Variants in NCOR1 observed in about 807,000 individuals in gnomAD.
NCOR1 encodes protein phosphatase 1, regulatory subunit 109.
NCOR1 carries 63 observed loss-of-function variants against 288.1 expected under a neutral mutation model. The ratio of observed to expected loss-of-function variants is 0.22; its 90% CI spans 0.18 to 0.27. NCOR1 has a LOEUF of 0.27. Among genes scored for constraint, NCOR1 ranks in the 10% least tolerant of loss-of-function variants. The probability of loss-of-function intolerance (pLI) is 1.00; values close to 1 mark genes in which losing one functional copy is unlikely to be tolerated. For missense variants in NCOR1, 2,397 were observed against 3,019.2 expected (o/e 0.79, Z 4.83); for synonymous variants, 1,007 against 1,065.9 (o/e 0.94, Z 1.08).
At chr17:16,182,293 T>A (rs2085641937) in intron 3 of NCOR1, among the ~76,000 whole-genome samples, 1 of 152,150 alleles carries the variant, frequency 6.6e-6, no homozygotes, top group Non-Finnish European at 1.5e-5. Flanking sequence ...AGATTTTACT[T>A]TTTGCTTTTA....
intron 19 of NCOR1, among the ~76,000 whole-genome samples, chr17:16,105,276 G>A (rs1022573476): frequency 2.6e-5 from 4 of 152,130 alleles, no homozygotes; most frequent in African/African-American, 4.8e-5. Flanking sequence ...CATTAGTCAG[G>A]TGTGGTGGTA....
At chr17:16,049,318 AC>A (rs2059035932) in intron 40 of NCOR1, 1 of 171,158 alleles carries the variant, frequency 5.8e-6, no homozygotes, top group South Asian at 1.9e-4. Flanking sequence ...ACACCATCTC[AC>A]CCTTGGCTCC....
intron 14 of NCOR1, among the ~76,000 whole-genome samples, chr17:16,129,305 CCTG>C (rs1188265179): frequency 6.6e-6 from 1 of 152,184 alleles, no homozygotes; most frequent in Non-Finnish European, 1.5e-5. Context: ...TGTGTCTGAT[CCTG>C]CTTTGTCCTC....
intron 21 of NCOR1, among the ~76,000 whole-genome samples, chr17:16,097,311 A>G (rs544417807): frequency 6.6e-6 from 1 of 152,268 alleles, no homozygotes; most frequent in Non-Finnish European, 1.5e-5. Flanking sequence ...TGAACTTGCA[A>G]TCCTCTTGCC....
intron 1 of NCOR1, among the ~76,000 whole-genome samples, chr17:16,196,764 G>A (rs927887694): frequency 6.7e-6 from 1 of 148,330 alleles, no homozygotes; most frequent in Non-Finnish European, 1.5e-5. Context: ...GGCGGAGCTT[G>A]CCGTGAGCCA....
intron 37 of NCOR1, among the ~76,000 whole-genome samples, chr17:16,059,401 AT>A (rs1414327102): frequency 6.6e-6 from 1 of 152,192 alleles, no homozygotes; most frequent in African/African-American, 2.4e-5. Flanking sequence ...AACATTAATA[AT>A]TTTTTAGCAC....
intron 40 of NCOR1, chr17:16,049,323 T>G: frequency 5.9e-6 from 1 of 168,428 alleles, no homozygotes; most frequent in East Asian, 1.6e-4. Context: ...ATCTCACCCT[T>G]GGCTCCTTAG....
At chr17:16,094,949 C>G (rs574337379) in intron 21 of NCOR1, among the ~76,000 whole-genome samples, 71 of 152,180 alleles carry the variant, frequency 4.7e-4, no homozygotes, top group African/African-American at 1.6e-3. Context: ...CCTTGGCCCC[C>G]CAAAGTGCAG....
At chr17:16,054,756 AC>A (rs1409651047) in intron 40 of NCOR1, among the ~76,000 whole-genome samples, 4 of 151,998 alleles carry the variant, frequency 2.6e-5, no homozygotes, top group African/African-American at 9.7e-5. Context: ...ATAGTGAAAA[AC>A]CCTGTCTCTA....
chr17:16,122,087 C>A (rs1264692051), intron 15 of NCOR1, among the ~76,000 whole-genome samples: 1 of 152,180 alleles, frequency 6.6e-6, no homozygotes, highest in Non-Finnish European at 1.5e-5. Flanking sequence ...AAAACTCCCT[C>A]AGGATATAAA....
intron 16 of NCOR1, among the ~76,000 whole-genome samples, chr17:16,119,926 T>C (rs1338995205): frequency 6.6e-6 from 1 of 152,136 alleles, no homozygotes; most frequent in Admixed American, 6.5e-5. Context: ...CCCGAGTGTC[T>C]GACATCCAGT....
chr17:16,035,334 G>T lies in NCOR1; in HGVS notation c.6956-390C>A, dbSNP rs1343094176. Among the ~76,000 whole-genome samples the T allele has an allele frequency of 2.0e-5, 3 of 152,034 alleles. No individual in the cohort carries two copies. The East Asian group carries it at 5.8e-4, about 29-fold the overall frequency. On this transcript the variant is annotated intron_variant, in intron 44 of 45. Transcript: ENST00000268712. ...CCTCAAACCCTTCTTTATTAACTGG[G>T]TTTATGTAATGTAGTATTCTAAATC...
chr17:16,185,008 C>CAAAAAA (rs34725978), intron 3 of NCOR1, among the ~76,000 whole-genome samples: 10 of 97,276 alleles, frequency 1.0e-4, no homozygotes, highest in South Asian at 3.7e-4. Context: ...GAATCTTAAA[C>CAAAAAA]AAAAAAAAAA....
At chr17:16,087,074 C>T (rs1230976063) in intron 22 of NCOR1, 13 of 873,470 alleles carry the variant, frequency 1.5e-5, no homozygotes, top group South Asian at 6.6e-5. Flanking sequence ...AGCAAGGACA[C>T]GTCCTGGAAG....
chr17:16,050,453 C>G (rs1802356305), intron 40 of NCOR1, among the ~76,000 whole-genome samples: 1 of 151,972 alleles, frequency 6.6e-6, no homozygotes, highest in Non-Finnish European at 1.5e-5. Flanking sequence ...AAACTCCTGA[C>G]CTCAAGTGAT....
At chr17:16,164,707 C>A (rs2081640609) in intron 5 of NCOR1, among the ~76,000 whole-genome samples, 1 of 150,544 alleles carries the variant, frequency 6.6e-6, no homozygotes, top group South Asian at 2.1e-4. Context: ...ACATGTGAAC[C>A]AAAAACCAGC....
At chr17:16,184,210 G>C (rs1210709168) in intron 3 of NCOR1, among the ~76,000 whole-genome samples, 3 of 152,132 alleles carry the variant, frequency 2.0e-5, no homozygotes, top group Non-Finnish European at 2.9e-5. Context: ...GGCCACAAAA[G>C]CACAAATATA....
At chr17:16,094,929 C>G (rs1462711939) in intron 21 of NCOR1, among the ~76,000 whole-genome samples, 4 of 152,312 alleles carry the variant, frequency 2.6e-5, no homozygotes, top group Non-Finnish European at 4.4e-5. Context: ...CTCCACCTCC[C>G]AGCCGCCTGC....
intron 45 of NCOR1, among the ~76,000 whole-genome samples, chr17:16,033,001 T>C (rs1241729555): frequency 6.6e-5 from 10 of 152,196 alleles, no homozygotes; most frequent in Admixed American, 6.5e-4. Context: ...CTACCCTTCA[T>C]CAGTTTCTAG....
Sources: gnomAD v4.1 joint callset for allele counts (sites outside exome capture counted in the v4.1 genomes callset) on GRCh38, gnomAD v4.1.1 for gene constraint, MANE v1.5 for transcripts, NCBI Gene and HGNC (gene_info 2026-07-23, HGNC 2026-07-21) for gene names.